The following PTGDR2 variants were observed in gnomAD, a reference collection of about 807,000 sequenced individuals.
PTGDR2 encodes the protein prostaglandin D2 receptor 2, also known as G-protein coupled receptor 44.
For synonymous variants in PTGDR2, 276 were observed against 278.4 expected, an observed-to-expected ratio of 0.99 and a Z score of 0.09; for missense variants, 544 against 576.6, an observed-to-expected ratio of 0.94 and a Z score of 0.58.
At chr11:60,854,947 A>G (rs1590580487) in intron 1 of PTGDR2, among the ~76,000 whole-genome samples, 1 of 152,142 alleles carries the variant, frequency 6.6e-6, no homozygotes, top group African/African-American at 2.4e-5. Flanking sequence ...GAGGGGAGCA[A>G]TGGTCTTCAG....
In PTGDR2 at chr11:60,851,984, C is replaced by T. The variant is rs1314754373; in HGVS notation, c.*551G>A. On this transcript the variant is annotated 3_prime_UTR_variant, in exon 2 of 2. Transcript: ENST00000332539. ...TAAGATTGTGGGATGAAGCGTCTAG[C>T]GCAGTAAGCATTGGCTAAATGAAGA... The T allele has an allele frequency of 3.9e-5, 6 of 152,532 alleles. No individual in the cohort carries two copies. The highest frequency in any genetic ancestry group is 2.4e-5 in the African/African-American group (1 of 41,482). 9.4% of individuals were successfully genotyped at this position (152,532 alleles called of 1,614,324 possible).
In PTGDR2 at chr11:60,852,962, G is replaced by T. The variant is rs755364144; in HGVS notation, c.761C>A (p.Ala254Asp). The T allele has an allele frequency of 5.0e-6, 7 of 1,407,894 alleles. No individual in the cohort carries two copies. In the South Asian group the frequency reaches 7.8e-5, roughly 16 times the overall value. The allele number at this position is 1,407,894 out of a possible 1,614,324, so 87.2% of individuals were successfully genotyped here. Reference sequence around the variant, plus strand: ...GTAGGGCCCCCAGCAGAGCGCGAAGGCGGCCACGACGGCCGCCACCAGGCG... The same window carrying T: ...GTAGGGCCCCCAGCAGAGCGCGAAGTCGGCCACGACGGCCGCCACCAGGCG... ...FVRLVAAVVA[A>D]FALCWGPYHV... The change falls in exon 2 of 2, where the codon GCC (alanine) becomes GAC (aspartate). Residue 254 changes from alanine to aspartate, a missense_variant. Transcript: ENST00000332539.
intron 1 of PTGDR2, among the ~76,000 whole-genome samples, chr11:60,854,993 A>T (rs1391453026): frequency 6.6e-6 from 1 of 152,196 alleles, no homozygotes. Context: ...GTTGGCCAGG[A>T]TGAGAAAACC....
chr11:60,853,517 C>T lies in PTGDR2; in HGVS notation c.206G>A (p.Trp69Ter). The T allele has an allele frequency of 2.6e-6, 4 of 1,558,546 alleles. No individual in the cohort carries two copies. The highest frequency in any genetic ancestry group is 3.5e-6 in the Non-Finnish European group (4 of 1,150,752). ...GTCGGACAGCGCCAGGTGCAGCACC[C>T]AGGTGGTGACCACGGTCTGGCGCAT... is the stretch of plus-strand genomic sequence containing the variant. Reference protein sequence around the residue: ...CRMRQTVVTTWVLHLALSDLL... With the variant: ...CRMRQTVVTT Residue 69 changes from tryptophan to a stop codon, truncating the protein, a stop_gained, in exon 2 of 2, where the codon TGG becomes TAG. Transcript: ENST00000332539. LOFTEE classifies it low-confidence loss of function (END_TRUNC).
intron 1 of PTGDR2, 121 bp from the exon 2 acceptor site, chr11:60,853,852 CGGTGGG>C: frequency 1.6e-6 from 1 of 619,346 alleles, no homozygotes; most frequent in Non-Finnish European, 2.7e-6. Context: ...ATATATTGGG[CGGTGGG>C]GGTGGGGGGA....
At position 60,852,445 on chromosome 11, in the gene PTGDR2, A is replaced by G; in HGVS notation, c.*90T>C. The G allele has an allele frequency of 8.8e-7, 1 of 1,135,472 alleles. No homozygotes were observed. 70.3% of individuals were successfully genotyped at this position (1,135,472 alleles called of 1,614,324 possible). On this transcript the variant is annotated 3_prime_UTR_variant, in exon 2 of 2. Transcript: ENST00000332539. ...CCTGGGTCCCGCCCCTCGGACTTTG[A>G]TCACTGCGGCAGGAGTCCGGATATC...
intron 1 of PTGDR2, among the ~76,000 whole-genome samples, chr11:60,855,051 T>C (rs1395280158): frequency 6.6e-6 from 1 of 152,184 alleles, no homozygotes; most frequent in Non-Finnish European, 1.5e-5. Context: ...GGTTCTGGAA[T>C]ATCAAACTAG....
In PTGDR2 at chr11:60,851,752, T is replaced by C. The variant is rs1227606995; in HGVS notation, c.*783A>G. 2.0e-5 allele frequency: 3 copies of C among 152,252 alleles called. No individual in the cohort carries two copies. The highest frequency in any genetic ancestry group is 2.9e-5 in the Non-Finnish European group (2 of 68,058). The allele number at this position is 152,252 out of a possible 1,614,324, so 9.4% of individuals were successfully genotyped here. A position where few individuals can be genotyped will look rare whatever the true frequency, so the allele number is the denominator to read the frequency against. Reference sequence around the variant, plus strand: ...TGCTGCTTCTGCCTTGGAAGCACTTTGGGCAGTGCTGGGTCACAAGGTAGC... The same window carrying C: ...TGCTGCTTCTGCCTTGGAAGCACTTCGGGCAGTGCTGGGTCACAAGGTAGC... On this transcript the variant is annotated 3_prime_UTR_variant, in exon 2 of 2. Transcript: ENST00000332539.
chr11:60,855,417 T>C (rs1319018797), intron 1 of PTGDR2, among the ~76,000 whole-genome samples: 1 of 149,856 alleles, frequency 6.7e-6, no homozygotes, highest in African/African-American at 2.5e-5. Flanking sequence ...TCCTTCTAAC[T>C]CTATAGAGAC....
rs1177929656 is a variant in PTGDR2, at chr11:60,853,436, G to A, written c.287C>T (p.Ser96Leu). ...FFTYFLAVGH[S>L]WELGTTFCKL... ...GCAGAAGGTGGTGCCCAGCTCCCAC[G>A]AGTGGCCCACGGCCAAGAAGTAGGT... Residue 96 changes from serine to leucine, a missense_variant, in exon 2 of 2, where the codon TCG (serine) becomes TTG (leucine). Physicochemically the swap from Ser to Leu is moderately radical, Grantham distance 145. Coordinates refer to ENST00000332539, the MANE Select transcript of PTGDR2 (RefSeq NM_004778.3). 1.3e-6 allele frequency: 2 copies of A among 1,575,338 alleles called. No homozygotes were observed. The highest frequency in any genetic ancestry group is 1.9e-5 in the Admixed American group (1 of 53,746).
At chr11:60,853,892 T>TG (rs1407282841) in intron 1 of PTGDR2, among the ~76,000 whole-genome samples, 161 bp from the exon 2 acceptor site, 1 of 152,218 alleles carries the variant, frequency 6.6e-6, no homozygotes, top group Non-Finnish European at 1.5e-5. Flanking sequence ...ATTGCTGTGC[T>TG]TGGGCAAGTC....
intron 1 of PTGDR2, among the ~76,000 whole-genome samples, chr11:60,854,784 G>A (rs1306794143): frequency 6.6e-6 from 1 of 152,230 alleles, no homozygotes; most frequent in Non-Finnish European, 1.5e-5. Flanking sequence ...TTTTACAGAT[G>A]AGAAAACTGA....
rs1855294999 is a variant in PTGDR2 at position 60,852,844 on chromosome 11, G to A, written c.879C>T (p.Ala293=). The change falls in exon 2 of 2, where the codon GCC becomes GCT. Residue 293 remains alanine, a synonymous_variant. Transcript: ENST00000332539. The part of the protein sequence containing the change: ...WRGLPFVTSL[A]FFNSVANPVL... ...CCGGGTTGGCCACGCTGTTGAAGAA[G>A]GCCAGGCTGGTGACGAAGGGCAGCC... 2 of 1,555,538 alleles carry A rather than the reference G, an allele frequency of 1.3e-6. No homozygotes were observed. The highest frequency in any genetic ancestry group is 1.4e-5 in the African/African-American group (1 of 72,796).
chr11:60,851,482 A>G lies in PTGDR2; in HGVS notation c.*1053T>C, dbSNP rs1180094255. On this transcript the variant is annotated 3_prime_UTR_variant, in exon 2 of 2. Coordinates refer to ENST00000332539, the MANE Select transcript of PTGDR2 (RefSeq NM_004778.3). ...CTCCCATCCGCAAAAGGGAAATGGT[A>G]GCTGCCCAGCCCCATGTGGCCTGGA... 6.6e-6 allele frequency: 1 copy of G among 152,238 alleles called. No homozygotes were observed. Among genetic ancestry groups the G allele is most frequent in the East Asian group, 1.9e-4 (1 of 5,200 alleles). 9.4% of individuals were successfully genotyped at this position (152,238 alleles called of 1,614,324 possible). A position where few individuals can be genotyped will look rare whatever the true frequency, so the allele number is the denominator to read the frequency against.
intron 1 of PTGDR2, among the ~76,000 whole-genome samples, chr11:60,855,119 A>C (rs781202129): frequency 2.6e-5 from 4 of 152,290 alleles, no homozygotes; most frequent in African/African-American, 7.2e-5. Flanking sequence ...ATGGAAGAGG[A>C]GCCTGTGCTT....
At chr11:60,855,210 CAGA>C (rs1403019895) in intron 1 of PTGDR2, among the ~76,000 whole-genome samples, 3 of 152,146 alleles carry the variant, frequency 2.0e-5, no homozygotes, top group African/African-American at 7.2e-5. Flanking sequence ...CCCCATTTTT[CAGA>C]AGAAGAAACA....
chr11:60,853,637 C>A lies in PTGDR2; in HGVS notation c.86G>T (p.Arg29Leu). 1 of 1,557,502 alleles carries A rather than the reference C, an allele frequency of 6.4e-7. No individual in the cohort carries two copies. Among genetic ancestry groups the A allele is most frequent in the South Asian group, 1.2e-5 (1 of 84,492 alleles). Residue 29 changes from arginine to leucine, a missense_variant, in exon 2 of 2, where the codon CGC (arginine) becomes CTC (leucine). Coordinates refer to ENST00000332539, the MANE Select transcript of PTGDR2 (RefSeq NM_004778.3). The part of the protein sequence containing the change: ...RLQSHSNTSI[R>L]YIDHAAVLLH... ...CAGCACGGCCGCGTGGTCGATGTAG[C>A]GGATGCTGGTGTTGCTGTGGCTCTG...
At position 60,852,513 on chromosome 11, in the gene PTGDR2, G is replaced by A; in HGVS notation, c.*22C>T. ...CCTGGTGATACTTTCGCGTGTGAGTGCCGCCCTACGTGGGCCGGGTTCTAA... is the reference window on the plus strand; with the variant it reads ...CCTGGTGATACTTTCGCGTGTGAGTACCGCCCTACGTGGGCCGGGTTCTAA... On this transcript the variant is annotated 3_prime_UTR_variant, in exon 2 of 2. Coordinates refer to ENST00000332539, the MANE Select transcript of PTGDR2 (RefSeq NM_004778.3). 8.0e-7 allele frequency: 1 copy of A among 1,252,544 alleles called. No individual in the cohort carries two copies. The highest frequency in any genetic ancestry group is 1.0e-6 in the Non-Finnish European group (1 of 1,000,068). 77.6% of individuals were successfully genotyped at this position (1,252,544 alleles called of 1,614,324 possible).
chr11:60,853,583 A>G lies in PTGDR2; in HGVS notation c.140T>C (p.Leu47Pro). Residue 47 changes from leucine to proline, a missense_variant, in exon 2 of 2, where the codon CTG becomes CCG. Coordinates refer to ENST00000332539, the MANE Select transcript of PTGDR2 (RefSeq NM_004778.3). ...LLHGLASLLG[L>P]VENGVILFVV... is the part of the protein sequence containing the mutation. The stretch of plus-strand genomic sequence containing the variant: ...GAAGAGGATGACTCCATTCTCCACC[A>G]GGCCCAGCAGCGAGGCCAGCCCGTG... 1.9e-6 allele frequency: 3 copies of G among 1,555,744 alleles called. No homozygotes were observed. Among genetic ancestry groups the G allele is most frequent in the Non-Finnish European group, 2.6e-6 (3 of 1,149,198 alleles).
Sources: gnomAD v4.1 joint callset for allele counts (sites outside exome capture counted in the v4.1 genomes callset) on GRCh38, gnomAD v4.1.1 for gene constraint, MANE v1.5 for transcripts, NCBI Gene and HGNC (gene_info 2026-07-23, HGNC 2026-07-21) for gene names.